Variants in TBL1X observed in about 807,000 individuals in gnomAD.
The protein encoded by TBL1X is transducin beta like 1 X-linked.
A neutral mutation model predicts 50.7 loss-of-function variants in TBL1X; 10 were observed. The ratio of observed to expected loss-of-function variants is 0.20; its 90% CI spans 0.12 to 0.33. The LOEUF is 0.33. TBL1X is among the 10% of genes least tolerant of loss of function. The probability of loss-of-function intolerance (pLI) is 1.00; values close to 1 mark genes in which losing one functional copy is unlikely to be tolerated. For synonymous variants in TBL1X, 190 were observed against 214.7 expected (o/e 0.88, Z 1.01); for missense variants, 340 against 504.4 (o/e 0.67, Z 3.12).
At chrX:9,470,546 C>T (rs184594601) in intron 1 of TBL1X, among the ~76,000 whole-genome samples, 10 of 112,782 alleles carry the variant, frequency 8.9e-5, no homozygotes, top group Non-Finnish European at 1.7e-4. Flanking sequence ...TAAGCCAGCA[C>T]GCTCGGCCTA....
chrX:9,600,920 G>A (rs144125089), intron 2 of TBL1X, among the ~76,000 whole-genome samples: 1 of 111,518 alleles, frequency 9.0e-6, no homozygotes, highest in Non-Finnish European at 1.9e-5. Context: ...TTAAGAAGTG[G>A]AATTTTATCC....
In TBL1X at chrX:9,719,310, T is replaced by C. The variant is rs867194237; in HGVS notation, c.*3064T>C. The C allele has an allele frequency of 2.7e-5, 3 of 112,573 alleles. No individual in the cohort carries two copies. The highest frequency in any genetic ancestry group is 6.5e-5 in the African/African-American group (2 of 30,862). 9.3% of individuals were successfully genotyped at this position (112,573 alleles called of 1,213,427 possible). ...GTAGGACTTGACTTTTGTTTAGTCT[T>C]TCTAAGAAATAGATCATGGAGCCAA... On this transcript the variant is annotated 3_prime_UTR_variant, in exon 18 of 18. Coordinates refer to ENST00000645353, the MANE Select transcript of TBL1X (RefSeq NM_005647.4).
At chrX:9,541,841 A>C (rs1019396885) in intron 2 of TBL1X, among the ~76,000 whole-genome samples, 25 of 111,529 alleles carry the variant, frequency 2.2e-4, no homozygotes, top group African/African-American at 8.1e-4. Flanking sequence ...GTCACTACTT[A>C]CTAATTTTCT....
intron 2 of TBL1X, among the ~76,000 whole-genome samples, chrX:9,521,962 G>A (rs755773667): frequency 9.2e-6 from 1 of 108,876 alleles, no homozygotes; most frequent in South Asian, 3.9e-4. Context: ...CAGAGGAATT[G>A]AATTTTAAAT....
intron 2 of TBL1X, among the ~76,000 whole-genome samples, chrX:9,512,513 G>GT (rs2082060967): frequency 1.3e-5 from 1 of 77,434 alleles, no homozygotes; most frequent in Non-Finnish European, 2.7e-5. Context: ...TTTGTTTTTT[G>GT]GTTTTTTTTT....
intron 2 of TBL1X, among the ~76,000 whole-genome samples, chrX:9,634,244 C>G (rs1003817946): frequency 1.5e-4 from 17 of 110,656 alleles, no homozygotes; most frequent in Non-Finnish European, 2.8e-4. Context: ...CACACCCCAG[C>G]TCCACCAGTC....
At chrX:9,478,589 A>C (rs1282904503) in intron 1 of TBL1X, among the ~76,000 whole-genome samples, 4 of 111,485 alleles carry the variant, frequency 3.6e-5, no homozygotes, top group Non-Finnish European at 5.6e-5. Context: ...AACTTGCCCC[A>C]AACTGTAACA....
rs1228229502 is a variant in TBL1X, at chrX:9,566,743, G to A, written c.-131+64894G>A. On this transcript the variant is annotated intron_variant, in intron 2 of 17. Transcript: ENST00000645353. Reference sequence around the variant, plus strand: ...TGCATTCCAGTGCTCAGGTGGCTGCGGACAGATCCTCTCTGTCTCTCTGCT... The same window carrying A: ...TGCATTCCAGTGCTCAGGTGGCTGCAGACAGATCCTCTCTGTCTCTCTGCT... 9.7e-5 allele frequency among the ~76,000 whole-genome samples: 6 copies of A among 61,595 alleles called. No individual in the cohort carries two copies. The South Asian group carries it at 2.1e-3, about 22-fold the overall frequency. 53.5% of individuals were successfully genotyped at this position (61,595 alleles called of 115,157 possible). A position where few individuals can be genotyped will look rare whatever the true frequency, so the allele number is the denominator to read the frequency against.
chrX:9,468,773 T>G (rs1164996352), intron 1 of TBL1X, among the ~76,000 whole-genome samples: 1 of 109,815 alleles, frequency 9.1e-6, no homozygotes, highest in East Asian at 2.8e-4. Context: ...AGGGGTCGGG[T>G]AGAGGGAGAG....
chrX:9,576,713 A>AC (rs1191118214), intron 2 of TBL1X, among the ~76,000 whole-genome samples: 33 of 107,936 alleles, frequency 3.1e-4, no homozygotes, highest in African/African-American at 1.0e-3. Flanking sequence ...AAAAAAAAAA[A>AC]AAACATCGGA....
At chrX:9,566,694 G>A (rs2082353071) in intron 2 of TBL1X, among the ~76,000 whole-genome samples, 2 of 112,153 alleles carry the variant, frequency 1.8e-5, no homozygotes, top group Admixed American at 1.9e-4. Context: ...TAATCATTAT[G>A]GCAAAAATAT....
intron 2 of TBL1X, among the ~76,000 whole-genome samples, chrX:9,509,573 T>C (rs2082044955): frequency 1.0e-5 from 1 of 98,710 alleles, no homozygotes; most frequent in Admixed American, 1.1e-4. Flanking sequence ...GGAGCCTTGA[T>C]CTCGTGGGCT....
intron 5 of TBL1X, among the ~76,000 whole-genome samples, chrX:9,682,954 G>A (rs760048152): frequency 8.9e-6 from 1 of 111,876 alleles, no homozygotes; most frequent in Admixed American, 9.4e-5. Flanking sequence ...GCCAGGAACC[G>A]AGCACTGGGG....
chrX:9,539,752 A>G (rs1248003966), intron 2 of TBL1X, among the ~76,000 whole-genome samples: 1 of 111,478 alleles, frequency 9.0e-6, no homozygotes, highest in African/African-American at 3.3e-5. Context: ...CACCTGGCAC[A>G]GAGCCTGGCA....
Position 9,653,613 on chromosome X carries a change from A to T in TBL1X, c.27A>T (p.Ser9=). MTELAGAS[S]SCCHRPAGRG... is the part of the protein sequence containing the mutation. ...TGACCGAGCTCGCTGGCGCCTCTTC[A>T]TCGTGCTGCCACCGCCCTGCAGGAA... The change falls in exon 4 of 18, where the codon TCA becomes TCT. Residue 9 remains serine (S), a synonymous_variant. Transcript: ENST00000645353. 1 of 1,172,161 alleles carries T rather than the reference A, an allele frequency of 8.5e-7. No homozygotes were observed. The highest frequency in any genetic ancestry group is 1.1e-6 in the Non-Finnish European group (1 of 875,146).
At chrX:9,613,985 CAAAAAAA>C (rs34481376) in intron 2 of TBL1X, among the ~76,000 whole-genome samples, 10 of 50,249 alleles carry the variant, frequency 2.0e-4, no homozygotes, top group Non-Finnish European at 2.6e-4. Context: ...GACTCCATCT[CAAAAAAA>C]AAAAAAAAAA....
At chrX:9,480,757 A>AACACC (rs2081877214) in intron 1 of TBL1X, among the ~76,000 whole-genome samples, 1 of 46,902 alleles carries the variant, frequency 2.1e-5, no homozygotes, top group Non-Finnish European at 4.2e-5. Context: ...AAATTAAGCC[A>AACACC]CCCCCCCCCC....
intron 14 of TBL1X, 128 bp downstream of exon 14, chrX:9,709,450 G>T (rs777014249): frequency 2.1e-6 from 2 of 964,822 alleles, no homozygotes; most frequent in Non-Finnish European, 2.9e-6. Flanking sequence ...TCTGTCATCC[G>T]GTGAGCTACG....
At chrX:9,609,335 A>AGGGG (rs200761280) in intron 2 of TBL1X, among the ~76,000 whole-genome samples, 1 of 59,752 alleles carries the variant, frequency 1.7e-5, no homozygotes, top group South Asian at 8.8e-4. Context: ...GTTTTCTTCC[A>AGGGG]GGTGTGTGTG....
Sources: gnomAD v4.1 joint callset for allele counts (sites outside exome capture counted in the v4.1 genomes callset) on GRCh38, gnomAD v4.1.1 for gene constraint, MANE v1.5 for transcripts, NCBI Gene and HGNC (gene_info 2026-07-23, HGNC 2026-07-21) for gene names.